Variants in SNTG2 observed in about 807,000 individuals in gnomAD.
The protein encoded by SNTG2 is syntrophin gamma 2, also known as gamma-2-syntrophin.
Under a neutral mutation model 70.9 loss-of-function variants are expected in SNTG2, and 74 were observed. That is an observed-to-expected ratio of 1.04 (90% CI 0.86 to 1.27). The LOEUF (loss-of-function observed/expected upper bound fraction) is 1.27. Among genes scored for constraint, SNTG2 ranks in the 50% most tolerant of loss-of-function variants. The pLI, the probability that SNTG2 is intolerant of heterozygous loss-of-function variation, is 0.00. For missense variants in SNTG2, 717 were observed against 690.7 expected, an observed-to-expected ratio of 1.04 and a Z score of -0.43; for synonymous variants, 278 against 273.8, an observed-to-expected ratio of 1.02 and a Z score of -0.15.
rs572652850 is a variant in SNTG2, at chr2:1,089,771, T to G, written c.210+6116T>G. On this transcript the variant is annotated intron_variant, in intron 2 of 16. Coordinates refer to ENST00000308624, the MANE Select transcript of SNTG2 (RefSeq NM_018968.4). ...ACTAAAATCTAACAGCAAAGACAGT[T>G]GCATAATCTGCCAAACATTTTTATT... Among the ~76,000 whole-genome samples, 6 of 152,384 alleles carry G rather than the reference T, an allele frequency of 3.9e-5. No individual in the cohort carries two copies. The East Asian group carries it at 1.2e-3, about 29-fold the overall frequency.
intron 14 of SNTG2, among the ~76,000 whole-genome samples, chr2:1,298,325 G>C (rs1324514292): frequency 6.6e-6 from 1 of 151,902 alleles, no homozygotes; most frequent in Non-Finnish European, 1.5e-5. Flanking sequence ...GTAGAGATGG[G>C]GATTTTCCAT....
intron 8 of SNTG2, among the ~76,000 whole-genome samples, chr2:1,176,990 A>G (rs757244919): frequency 3.1e-4 from 47 of 152,226 alleles, no homozygotes; most frequent in Non-Finnish European, 5.4e-4. Flanking sequence ...GTATATACCC[A>G]AAGGAATGCA....
At chr2:1,028,747 T>TC (rs1660642549) in intron 1 of SNTG2, among the ~76,000 whole-genome samples, 1 of 151,928 alleles carries the variant, frequency 6.6e-6, no homozygotes, top group Admixed American at 6.6e-5. Context: ...CCTTTTTTTT[T>TC]TTTTTTTAAA....
At chr2:1,318,047 C>G (rs576524497) in intron 16 of SNTG2, among the ~76,000 whole-genome samples, 3 of 152,284 alleles carry the variant, frequency 2.0e-5, no homozygotes, top group Admixed American at 6.5e-5. Context: ...ATATGGAGAA[C>G]AAACTTCTTT....
intron 14 of SNTG2, among the ~76,000 whole-genome samples, chr2:1,277,016 A>G (rs763940358): frequency 7.9e-5 from 12 of 152,366 alleles, no homozygotes; most frequent in Middle Eastern, 3.4e-3. Context: ...CTCAGGATAA[A>G]CTTAGAACAG....
intron 16 of SNTG2, among the ~76,000 whole-genome samples, chr2:1,321,672 C>T (rs2148271574): frequency 6.6e-6 from 1 of 152,276 alleles, no homozygotes; most frequent in African/African-American, 2.4e-5. Flanking sequence ...TGTCATCCAA[C>T]AGAGAATTTC....
chr2:954,028 A>G (rs1338709198), intron 1 of SNTG2, among the ~76,000 whole-genome samples: 1 of 152,120 alleles, frequency 6.6e-6, no homozygotes, highest in Non-Finnish European at 1.5e-5. Context: ...CTAAATGGGT[A>G]TATTCAGGAT....
chr2:1,269,999 A>T (rs1678936425), intron 14 of SNTG2, among the ~76,000 whole-genome samples: 1 of 152,246 alleles, frequency 6.6e-6, no homozygotes, highest in African/African-American at 2.4e-5. Context: ...GACTTGCCGG[A>T]TCTTCACAAC....
chr2:1,119,204 A>C (rs1667227067), intron 4 of SNTG2, among the ~76,000 whole-genome samples: 1 of 152,104 alleles, frequency 6.6e-6, no homozygotes, highest in South Asian at 2.1e-4. Flanking sequence ...TGGAGAAAGT[A>C]AGTCTTTCCT....
chr2:994,994 A>G (rs564004334), intron 1 of SNTG2, among the ~76,000 whole-genome samples: 1 of 151,890 alleles, frequency 6.6e-6, no homozygotes, highest in South Asian at 2.1e-4. Flanking sequence ...GTACAGGATC[A>G]TGTTATCTGC....
intron 8 of SNTG2, among the ~76,000 whole-genome samples, chr2:1,185,046 C>T (rs1672162883): frequency 6.6e-6 from 1 of 152,170 alleles, no homozygotes; most frequent in Admixed American, 6.5e-5. Context: ...GTAAATACAC[C>T]CATTCCAAAT....
Position 1,267,590 on chromosome 2 carries a change from C to T in SNTG2, c.1284+19C>T, listed in dbSNP as rs189562022. 2,075 of 1,606,200 alleles carry T rather than the reference C, an allele frequency of 1.3e-3. 1 individual carries two copies. Among genetic ancestry groups the T allele is most frequent in the Non-Finnish European group, 1.6e-3 (1,920 of 1,174,682 alleles). Reference sequence around the variant, plus strand: ...AACCGGGGTAAGTGAACAACTCACACTCTTCTCACCTACACCTGCTCGGGT... The same window carrying T: ...AACCGGGGTAAGTGAACAACTCACATTCTTCTCACCTACACCTGCTCGGGT... On this transcript the variant is annotated intron_variant, in intron 14 of 16. Coordinates refer to ENST00000308624, the MANE Select transcript of SNTG2 (RefSeq NM_018968.4).
intron 14 of SNTG2, among the ~76,000 whole-genome samples, chr2:1,277,022 A>G (rs1421364750): frequency 6.6e-6 from 1 of 152,258 alleles, no homozygotes; most frequent in Non-Finnish European, 1.5e-5. Flanking sequence ...ATAAACTTAG[A>G]ACAGATGAGG....
chr2:1,224,303 C>T (rs1014268854), intron 9 of SNTG2, among the ~76,000 whole-genome samples: 29 of 152,206 alleles, frequency 1.9e-4, no homozygotes, highest in Non-Finnish European at 3.7e-4. Context: ...GGAATTAGGC[C>T]AAACTTTTCC....
chr2:981,658 C>T (rs1661101092), intron 1 of SNTG2, among the ~76,000 whole-genome samples: 3 of 152,174 alleles, frequency 2.0e-5, no homozygotes, highest in African/African-American at 7.2e-5. Flanking sequence ...CATACATGCA[C>T]ATGAACACAG....
chr2:1,262,048 GGAA>G (rs1403260362), intron 13 of SNTG2, among the ~76,000 whole-genome samples: 14 of 152,116 alleles, frequency 9.2e-5, no homozygotes, highest in Non-Finnish European at 1.5e-5. Context: ...AACACTGAGA[GGAA>G]GAATTCCTAA....
chr2:1,185,397 C>G (rs1672184131), intron 8 of SNTG2, among the ~76,000 whole-genome samples: 1 of 152,218 alleles, frequency 6.6e-6, no homozygotes. Flanking sequence ...AGTAGAGACT[C>G]TGTGTGGGAG....
chr2:1,300,283 C>G (rs9326174), intron 14 of SNTG2, among the ~76,000 whole-genome samples: 44,022 of 152,122 alleles, frequency 0.29, 6,924 homozygotes, highest in East Asian at 0.56. Flanking sequence ...GAAGTGCTGT[C>G]GAAAATCCTT....
intron 4 of SNTG2, among the ~76,000 whole-genome samples, chr2:1,119,995 G>T (rs1235322307): frequency 6.6e-6 from 1 of 151,714 alleles, no homozygotes; most frequent in African/African-American, 2.4e-5. Flanking sequence ...ATGAGAAAAT[G>T]GCATTGATAA....
Sources: gnomAD v4.1 joint callset for allele counts (sites outside exome capture counted in the v4.1 genomes callset) on GRCh38, gnomAD v4.1.1 for gene constraint, MANE v1.5 for transcripts, NCBI Gene and HGNC (gene_info 2026-07-23, HGNC 2026-07-21) for gene names.